The following FAAP100 variants were observed in gnomAD, a reference collection of about 807,000 sequenced individuals.
FAAP100 encodes Fanconi anemia core complex-associated protein 100.
Under a neutral mutation model 65.8 loss-of-function variants are expected in FAAP100, and 46 were observed. The observed-to-expected ratio is 0.70, with a 90% CI of 0.55 to 0.89. The LOEUF (loss-of-function observed/expected upper bound fraction) is 0.89. Ranked by LOEUF, FAAP100 falls within the 40% of genes least tolerant of loss-of-function variation. FAAP100 has a pLI of 0.00. For missense variants in FAAP100, 1,165 were observed against 1,196.7 expected (o/e 0.97, Z 0.39); for synonymous variants, 663 against 555.1 (o/e 1.19, Z -2.73).
upstream of FAAP100, chr17:81,552,482 A>C (rs978579442): frequency 1.5e-6 from 1 of 674,770 alleles, no homozygotes; most frequent in Non-Finnish European, 2.1e-6. Flanking sequence ...CGCTGCAGGG[A>C]CTCCGGGAGC....
intron 5 of FAAP100, 105 bp downstream of exon 5, chr17:81,546,804 T>C: frequency 4.2e-6 from 5 of 1,177,244 alleles, no homozygotes; most frequent in Non-Finnish European, 5.5e-6. Flanking sequence ...CAGTGAGCCA[T>C]GATTGCACCA....
chr17:81,540,027 G>A lies in FAAP100; in HGVS notation c.*792C>T. On this transcript the variant is annotated 3_prime_UTR_variant, in exon 9 of 9. Coordinates refer to ENST00000327787, the MANE Select transcript of FAAP100 (RefSeq NM_025161.6). ...TGAAAACACCAGCACCAGGAGGTGG[G>A]CCGTAGCCCAGGCTGAGGGAGGAGG... 2 of 398,968 alleles carry A rather than the reference G, an allele frequency of 5.0e-6. No homozygotes were observed. The highest frequency in any genetic ancestry group is 8.8e-6 in the Non-Finnish European group (2 of 226,202). The allele number at this position is 398,968 out of a possible 1,614,324, so 24.7% of individuals were successfully genotyped here. A position where few individuals can be genotyped will look rare whatever the true frequency, so the allele number is the denominator to read the frequency against.
rs369792212 is a variant in FAAP100 at position 81,550,948 on chromosome 17, G to C, written c.546C>G (p.Ala182=). 2 of 1,612,080 alleles carry C rather than the reference G, an allele frequency of 1.2e-6. No individual in the cohort carries two copies. The highest frequency in any genetic ancestry group is 4.5e-5 in the East Asian group (2 of 44,866). The part of the protein sequence containing the change: ...EVELSSYTPP[A]GVPGKPAAPH... ...GGGCTGCAGGCTTTCCTGGGACCCC[G>C]GCTGGGGGCGTGTAGGAGGACAGCT... The change falls in exon 3 of 9, where the codon GCC becomes GCG. Residue 182 remains alanine, a synonymous_variant. Coordinates refer to ENST00000327787, the MANE Select transcript of FAAP100 (RefSeq NM_025161.6).
rs1461876548 is a variant in FAAP100, at chr17:81,542,215, ATATATATATATATATAT to A, written c.2428-837_2428-821del. Among the ~76,000 whole-genome samples, 37 of 84,530 alleles carry A rather than the reference ATATATATATATATATAT, an allele frequency of 4.4e-4. 2 individuals are homozygous for A. Among genetic ancestry groups the A allele is most frequent in the African/African-American group, 1.7e-3 (30 of 17,888 alleles). 55.5% of individuals were successfully genotyped at this position (84,530 alleles called of 152,430 possible). ...AAAAAAAAAAAATATATATATATAT[ATATATATATATATATAT>A]ATGAAATCAGCCAGGCGTGGTGACA... On this transcript the variant is annotated intron_variant, in intron 7 of 8. Transcript: ENST00000327787.
At position 81,550,470 on chromosome 17, in the gene FAAP100, A is replaced by C; in HGVS notation, c.1024T>G (p.Cys342Gly). The C allele has an allele frequency of 6.2e-7, 1 of 1,612,518 alleles. No individual in the cohort carries two copies. Among genetic ancestry groups the C allele is most frequent in the Non-Finnish European group, 8.5e-7 (1 of 1,179,782 alleles). The change falls in exon 3 of 9, where the codon TGC becomes GGC. Residue 342 changes from cysteine (C) to glycine (G), a missense_variant. Transcript: ENST00000327787. ...GKLVPELREY[C>G]LPGPVLCAAC... The stretch of plus-strand genomic sequence containing the variant: ...GCGCAGAGCACAGGGCCTGGGAGGC[A>C]GTACTCCCGCAGCTCGGGCACCAGC...
intron 6 of FAAP100, 51 bp from the exon 7 acceptor site, chr17:81,544,171 C>T (rs1172162481): frequency 8.1e-6 from 12 of 1,474,110 alleles, no homozygotes; most frequent in East Asian, 4.6e-5. Flanking sequence ...CCCACCTGCC[C>T]GGGGGGCTCA....
At chr17:81,541,174 T>A (rs1460940554) in intron 8 of FAAP100, 135 bp downstream of exon 8, 1 of 1,158,704 alleles carries the variant, frequency 8.6e-7, no homozygotes, top group Non-Finnish European at 1.2e-6. Flanking sequence ...CGCTCGGACT[T>A]TGCCCCAGGC....
Position 81,547,110 on chromosome 17 carries a change from G to A in FAAP100, c.1972C>T (p.Leu658=). 6.5e-7 allele frequency: 1 copy of A among 1,528,160 alleles called. No homozygotes were observed. Among genetic ancestry groups the A allele is most frequent in the South Asian group, 1.3e-5 (1 of 78,990 alleles). 94.7% of individuals were successfully genotyped at this position (1,528,160 alleles called of 1,614,324 possible). ...DMLQCLRFPG[L]APPHTRAPSP... ...GGGGCCCGTGTGTGTGGCGGGGCCA[G>A]GCCAGGGAAGCGCAGACACTGCAGC... The change falls in exon 5 of 9, where the codon CTG becomes TTG. Residue 658 remains leucine (L), a synonymous_variant. Transcript: ENST00000327787.
chr17:81,541,159 A>G lies in FAAP100; in HGVS notation c.2514+150T>C, dbSNP rs184096034. 39 of 1,091,884 alleles carry G rather than the reference A, an allele frequency of 3.6e-5. No homozygotes were observed. The African/African-American group carries it at 5.7e-4, about 16-fold the overall frequency. 67.6% of individuals were successfully genotyped at this position (1,091,884 alleles called of 1,614,324 possible). On this transcript the variant is annotated intron_variant, in intron 8 of 8. Transcript: ENST00000327787. ...AGTAGGATGAGGGGCAGGAAGAGCC[A>G]TGGCCGCTCGGACTTTGCCCCAGGC...
chr17:81,544,102 A>C lies in FAAP100; in HGVS notation c.2329T>G (p.Cys777Gly). Residue 777 changes from cysteine to glycine, a missense_variant, in exon 7 of 9, where the codon TGC becomes GGC. Cys to Gly is a radical substitution (Grantham distance 159). Coordinates refer to ENST00000327787, the MANE Select transcript of FAAP100 (RefSeq NM_025161.6). ...ACGGCCTGGATGGGCCCTGCTGGGC[A>C]CAGGTCAGTCATGGCCACCTGCAAC... ...IVREVAMTDLCPAGPIQAVEI... is the reference protein window; with the variant it reads ...IVREVAMTDLGPAGPIQAVEI... 1 of 1,612,354 alleles carries C rather than the reference A, an allele frequency of 6.2e-7. No homozygotes were observed.
Position 81,540,241 on chromosome 17 carries a change from A to C in FAAP100, c.*578T>G, listed in dbSNP as rs1373158620. 2 of 398,848 alleles carry C rather than the reference A, an allele frequency of 5.0e-6. No homozygotes were observed. Among genetic ancestry groups the C allele is most frequent in the African/African-American group, 2.1e-5 (1 of 48,618 alleles). The allele number at this position is 398,848 out of a possible 1,614,324, so 24.7% of individuals were successfully genotyped here. ...ACGGGCACTTGCAGGAGCTCCCTGC[A>C]TGCTGTTTTGTGCTTTGGTCTCAGG... On this transcript the variant is annotated 3_prime_UTR_variant, in exon 9 of 9. Coordinates refer to ENST00000327787, the MANE Select transcript of FAAP100 (RefSeq NM_025161.6).
chr17:81,540,774 C>T lies in FAAP100; in HGVS notation c.*45G>A, dbSNP rs1489498730. ...CCCATGAGGCCTGGGGGGGCTGTGACAGAGGCTGGAAGCGTGGCCAGAGCC... is the reference window on the plus strand; with the variant it reads ...CCCATGAGGCCTGGGGGGGCTGTGATAGAGGCTGGAAGCGTGGCCAGAGCC... On this transcript the variant is annotated 3_prime_UTR_variant, in exon 9 of 9. Coordinates refer to ENST00000327787, the MANE Select transcript of FAAP100 (RefSeq NM_025161.6). The T allele has an allele frequency of 4.8e-6, 7 of 1,464,952 alleles. No individual in the cohort carries two copies. In the African/African-American group the frequency reaches 8.4e-5, roughly 18 times the overall value. The allele number at this position is 1,464,952 out of a possible 1,614,324, so 90.7% of individuals were successfully genotyped here.
upstream of FAAP100, chr17:81,552,445 G>T: frequency 1.9e-6 from 2 of 1,030,344 alleles, no homozygotes; most frequent in South Asian, 8.8e-5. Flanking sequence ...AGCGGTCGGC[G>T]GTGCCGGGGG....
chr17:81,540,656 G>T lies in FAAP100; in HGVS notation c.*163C>A. The T allele has an allele frequency of 1.0e-6, 1 of 958,028 alleles. No individual in the cohort carries two copies. The highest frequency in any genetic ancestry group is 1.4e-6 in the Non-Finnish European group (1 of 697,486). The allele number at this position is 958,028 out of a possible 1,614,324, so 59.3% of individuals were successfully genotyped here. ...ATCAGAATCTGCTTTGTGCTCCACG[G>T]CCTCCAAGCACTTTCATGAGCGTTC... On this transcript the variant is annotated 3_prime_UTR_variant, in exon 9 of 9. Transcript: ENST00000327787.
intron 3 of FAAP100, among the ~76,000 whole-genome samples, 155 bp from the exon 4 acceptor site, chr17:81,549,517 C>G (rs1161321919): frequency 6.6e-6 from 1 of 152,260 alleles, no homozygotes; most frequent in South Asian, 2.1e-4. Flanking sequence ...AATGCACTGT[C>G]CCGACCCTGG....
At chr17:81,547,877 T>C (rs1354958119) in intron 4 of FAAP100, 199 bp from the exon 5 acceptor site, 6 of 744,036 alleles carry the variant, frequency 8.1e-6, no homozygotes, top group Admixed American at 6.0e-5. Flanking sequence ...CTCTGGAAGC[T>C]GCCTCCAGCC....
intron 3 of FAAP100, 122 bp from the exon 4 acceptor site, chr17:81,549,484 G>A: frequency 7.8e-7 from 1 of 1,278,580 alleles, no homozygotes; most frequent in Admixed American, 2.6e-5. Context: ...AGTGTCCAGT[G>A]AGGAAGAGAA....
upstream of FAAP100, chr17:81,552,428 G>C (rs1294158784): frequency 1.8e-6 from 2 of 1,140,400 alleles, no homozygotes; most frequent in East Asian, 6.5e-5. Flanking sequence ...CGCGACCTCC[G>C]CCGTAAAGCG....
chr17:81,548,358 G>C (rs2033384200), intron 4 of FAAP100: 1 of 275,240 alleles, frequency 3.6e-6, no homozygotes, highest in Non-Finnish European at 6.9e-6. Flanking sequence ...TGGGCTGCTG[G>C]GGGGCAGTCC....
Sources: gnomAD v4.1 joint callset for allele counts (sites outside exome capture counted in the v4.1 genomes callset) on GRCh38, gnomAD v4.1.1 for gene constraint, MANE v1.5 for transcripts, NCBI Gene and HGNC (gene_info 2026-07-23, HGNC 2026-07-21) for gene names.